Variants in EHBP1 observed in about 807,000 individuals in gnomAD.
EHBP1 encodes the protein EH domain-binding protein 1.
EHBP1 carries 55 observed loss-of-function variants against 144.0 expected under a neutral mutation model. The observed-to-expected ratio is 0.38, with a 90% confidence interval of 0.31 to 0.48. EHBP1 has a LOEUF of 0.48. EHBP1 is among the 20% of genes least tolerant of loss of function. The probability of loss-of-function intolerance (pLI) is 0.98; values close to 1 mark genes in which losing one functional copy is unlikely to be tolerated. For missense variants in EHBP1, 1,200 were observed against 1,364.2 expected (o/e 0.88, Z 1.90); for synonymous variants, 469 against 472.7 (o/e 0.99, Z 0.10).
At chr2:62,781,740 G>C (rs1408769181) in intron 5 of EHBP1, among the ~76,000 whole-genome samples, 2 of 151,822 alleles carry the variant, frequency 1.3e-5, no homozygotes, top group Non-Finnish European at 2.9e-5. Context: ...ATTTTTCTAG[G>C]GTTATAATAA....
At chr2:62,980,843 T>C (rs1404618857) in intron 15 of EHBP1, among the ~76,000 whole-genome samples, 2 of 148,078 alleles carry the variant, frequency 1.4e-5, no homozygotes, top group East Asian at 3.9e-4. Flanking sequence ...ATATTTTAAT[T>C]TTTTTTCACG....
intron 2 of EHBP1, among the ~76,000 whole-genome samples, chr2:62,736,759 A>G (rs1256508555): frequency 6.6e-6 from 1 of 152,128 alleles, no homozygotes; most frequent in Non-Finnish European, 1.5e-5. Flanking sequence ...TACTTTATCC[A>G]TTAGAGCCCT....
chr2:62,982,477 C>CT (rs1171370608), intron 15 of EHBP1, among the ~76,000 whole-genome samples: 1 of 152,190 alleles, frequency 6.6e-6, no homozygotes. Context: ...CAAGAGTCTA[C>CT]TTTCTAAGTA....
At chr2:62,709,997 C>A (rs1375043757) in intron 2 of EHBP1, among the ~76,000 whole-genome samples, 2 of 152,042 alleles carry the variant, frequency 1.3e-5, no homozygotes, top group Non-Finnish European at 2.9e-5. Context: ...GTTTATACCC[C>A]CTACTCTTCT....
intron 18 of EHBP1, 42 bp downstream of exon 18, chr2:62,994,019 C>A: frequency 7.3e-7 from 1 of 1,369,696 alleles, no homozygotes. Context: ...GCTGATAATT[C>A]CAAACTGTAT....
chr2:62,869,998 C>G (rs2050334875), intron 9 of EHBP1, among the ~76,000 whole-genome samples: 1 of 151,998 alleles, frequency 6.6e-6, no homozygotes, highest in African/African-American at 2.4e-5. Flanking sequence ...CTATATGAGT[C>G]TTTGCTTTCT....
intron 8 of EHBP1, among the ~76,000 whole-genome samples, chr2:62,862,914 TA>T (rs200238261): frequency 3.3e-4 from 49 of 148,074 alleles, no homozygotes; most frequent in African/African-American, 5.0e-4. Context: ...CTAACAAACA[TA>T]AAAAAAAAAG....
At chr2:62,911,882 A>G (rs2054244276) in intron 10 of EHBP1, among the ~76,000 whole-genome samples, 2 of 152,232 alleles carry the variant, frequency 1.3e-5, no homozygotes, top group Admixed American at 1.3e-4. Context: ...AAAGAGAAGT[A>G]ACATTCTCCC....
At chr2:62,916,839 A>G (rs950014187) in intron 10 of EHBP1, among the ~76,000 whole-genome samples, 2 of 150,152 alleles carry the variant, frequency 1.3e-5, no homozygotes, top group Non-Finnish European at 3.0e-5. Flanking sequence ...TAAAATATAA[A>G]TATATTCATT....
intron 5 of EHBP1, among the ~76,000 whole-genome samples, chr2:62,816,948 C>T (rs2045496508): frequency 6.6e-6 from 1 of 152,152 alleles, no homozygotes; most frequent in South Asian, 2.1e-4. Flanking sequence ...CCCAGCTGTG[C>T]AAATGGAAAC....
intron 5 of EHBP1, among the ~76,000 whole-genome samples, chr2:62,809,291 A>C (rs2044763664): frequency 8.0e-6 from 1 of 125,704 alleles, no homozygotes; most frequent in African/African-American, 3.1e-5. Context: ...ACTATGTCTC[A>C]GAAAAAAAAA....
intron 3 of EHBP1, among the ~76,000 whole-genome samples, chr2:62,760,232 C>T (rs570516634): frequency 7.2e-5 from 11 of 152,186 alleles, no homozygotes; most frequent in South Asian, 4.1e-4. Flanking sequence ...ATTAGCTAAA[C>T]GATAGAAAGC....
intron 5 of EHBP1, among the ~76,000 whole-genome samples, chr2:62,815,566 A>G (rs941592941): frequency 6.6e-6 from 1 of 152,234 alleles, no homozygotes; most frequent in Non-Finnish European, 1.5e-5. Context: ...CTTTAAACTA[A>G]AGTAGCCACT....
chr2:63,039,785 A>G (rs1456731663), intron 21 of EHBP1, among the ~76,000 whole-genome samples: 6 of 152,136 alleles, frequency 3.9e-5, no homozygotes, highest in African/African-American at 1.4e-4. Flanking sequence ...ATACTATCAT[A>G]TATGCTTGTA....
chr2:62,736,931 G>C lies in EHBP1; in HGVS notation c.105-10464G>C, dbSNP rs1017061291. On this transcript the variant is annotated intron_variant, in intron 2 of 22. Transcript: ENST00000431489. ...TCTTGATAGCCAGATGTAATGTACT[G>C]GGTAAAAGGAACTGCTGTAGTAGGC... 7.2e-5 allele frequency among the ~76,000 whole-genome samples: 11 copies of C among 152,254 alleles called. No homozygotes were observed. In the South Asian group the frequency reaches 2.3e-3, roughly 32 times the overall value.
At chr2:62,922,616 A>G (rs1042677132) in intron 10 of EHBP1, among the ~76,000 whole-genome samples, 3 of 152,234 alleles carry the variant, frequency 2.0e-5, no homozygotes, top group Non-Finnish European at 2.9e-5. Context: ...ATGGCAGACT[A>G]GAGACACCTG....
intron 3 of EHBP1, among the ~76,000 whole-genome samples, chr2:62,753,294 G>A (rs1350563460): frequency 6.6e-6 from 1 of 152,126 alleles, no homozygotes; most frequent in Admixed American, 6.5e-5. Context: ...ATTCTGGGTT[G>A]AAAATTCTTT....
chr2:63,027,612 G>C (rs572176639), intron 19 of EHBP1, among the ~76,000 whole-genome samples: 3 of 152,090 alleles, frequency 2.0e-5, no homozygotes, highest in Non-Finnish European at 2.9e-5. Flanking sequence ...ATGTGGGTGC[G>C]GACTGCAAGT....
intron 5 of EHBP1, among the ~76,000 whole-genome samples, chr2:62,795,098 G>GA (rs904272137): frequency 6.7e-5 from 10 of 149,532 alleles, no homozygotes; most frequent in Admixed American, 3.3e-4. Flanking sequence ...ATTAGCAAAA[G>GA]AAAAAAAAAG....
Sources: gnomAD v4.1 joint callset for allele counts (sites outside exome capture counted in the v4.1 genomes callset) on GRCh38, gnomAD v4.1.1 for gene constraint, MANE v1.5 for transcripts, NCBI Gene and HGNC (gene_info 2026-07-23, HGNC 2026-07-21) for gene names.